KIF13B: variants seen among roughly 807,000 people sequenced by gnomAD.
KIF13B encodes the protein kinesin-like protein KIF13B.
In KIF13B, 127 loss-of-function variants were observed where a neutral mutation model predicts 222.0. The ratio of observed to expected loss-of-function variants is 0.57; its 90% confidence interval spans 0.50 to 0.66. KIF13B has a LOEUF of 0.66. Ranked by LOEUF, KIF13B falls within the 30% of genes least tolerant of loss-of-function variation. The probability of loss-of-function intolerance (pLI) is 0.00; values close to 1 mark genes in which losing one functional copy is unlikely to be tolerated. For missense variants in KIF13B, 2,173 were observed against 2,379.0 expected, an observed-to-expected ratio of 0.91 and a Z score of 1.80; for synonymous variants, 976 against 919.0, an observed-to-expected ratio of 1.06 and a Z score of -1.12.
intron 16 of KIF13B, 21 bp from the exon 17 acceptor site, chr8:29,147,623 G>T: frequency 1.3e-6 from 2 of 1,550,010 alleles, no homozygotes; most frequent in Non-Finnish European, 1.8e-6. Context: ...TTTTAAAAAA[G>T]ATACATGATC....
chr8:29,167,641 A>G, intron 10 of KIF13B, 56 bp from the exon 11 acceptor site: 1 of 1,396,622 alleles, frequency 7.2e-7, no homozygotes, highest in East Asian at 2.3e-5. Context: ...AAGACGTCAT[A>G]TGAGAAACCT....
intron 10 of KIF13B, among the ~76,000 whole-genome samples, chr8:29,171,145 T>G (rs1418441260): frequency 1.3e-5 from 2 of 152,210 alleles, no homozygotes; most frequent in Admixed American, 1.3e-4. Context: ...ATTAGAAAGA[T>G]ACTCATTATC....
intron 18 of KIF13B, among the ~76,000 whole-genome samples, chr8:29,144,347 G>A (rs570897404): frequency 2.6e-4 from 40 of 152,008 alleles, no homozygotes; most frequent in African/African-American, 5.5e-4. Context: ...TGCAACCTCC[G>A]CCTGGGTTCA....
At chr8:29,138,549 T>G (rs1212546518) in intron 21 of KIF13B, 1 of 152,182 alleles carries the variant, frequency 6.6e-6, no homozygotes, top group Non-Finnish European at 1.5e-5. Context: ...TGGCTGATCA[T>G]CCCTCAAAGA....
Position 29,130,585 on chromosome 8 carries a change from T to G in KIF13B, c.3023A>C (p.Glu1008Ala), listed in dbSNP as rs1015645347. Residue 1008 changes from glutamate (E) to alanine (A), a missense_variant, in exon 24 of 40, where the codon GAA (glutamate) becomes GCA (alanine). Physicochemically the swap from Glu to Ala is moderately radical, Grantham distance 107 (BLOSUM62 -1). Around this residue, in one of 2 missense-constraint regions of KIF13B, gnomAD observed 1,480 missense variants for 1,722.8 expected, o/e 0.86. Transcript: ENST00000524189. ...QNENGEYCPV[E>A]VISAKDVPTG... ...TGGGACATCCTTTGCAGAAATCACT[T>G]CTACAGGGCAGTATTCACCATTCTC... The G allele has an allele frequency of 3.7e-6, 6 of 1,613,666 alleles. No homozygotes were observed. In the African/African-American group the frequency reaches 6.7e-5, roughly 18 times the overall value.
rs1279400074 is a variant in KIF13B at position 29,140,161 on chromosome 8, G to A, written c.2515C>T (p.Arg839Ter). The change falls in exon 21 of 40, where the codon CGA (arginine) becomes TGA (stop). Residue 839 changes from arginine to a stop codon, truncating the protein, a stop_gained. Transcript: ENST00000524189. LOFTEE classifies it high-confidence loss of function. ...CTCTCCCCAACATCACCACTGAGTC[G>A]CATCACCTCCACGTGCAGCCGACCT... ...VAGRLHVEVM[R>*]LSGDVGERIA... 1.2e-6 allele frequency: 2 copies of A among 1,613,548 alleles called. No individual in the cohort carries two copies. The highest frequency in any genetic ancestry group is 1.7e-5 in the Admixed American group (1 of 60,004).
intron 2 of KIF13B, among the ~76,000 whole-genome samples, chr8:29,203,787 A>G: frequency 6.7e-6 from 1 of 150,126 alleles, no homozygotes; most frequent in East Asian, 2.0e-4. Context: ...CCAGCTACTC[A>G]GGAGGCTAAG....
At chr8:29,101,913 C>A (rs1036973211) in intron 35 of KIF13B, among the ~76,000 whole-genome samples, 7 of 115,578 alleles carry the variant, frequency 6.1e-5, no homozygotes, top group Non-Finnish European at 1.3e-4. Context: ...ATTACTCACT[C>A]GATTTTTCTC....
At chr8:29,124,152 A>G (rs750116534) in intron 26 of KIF13B, 29 bp from the exon 27 acceptor site, 3 of 1,302,310 alleles carry the variant, frequency 2.3e-6, no homozygotes, top group Non-Finnish European at 3.3e-6. Flanking sequence ...AATCATATTC[A>G]ATGTAATGTC....
chr8:29,075,259 A>C (rs1354466946), intron 38 of KIF13B, 22 bp downstream of exon 38: 3 of 1,551,218 alleles, frequency 1.9e-6, no homozygotes, highest in Non-Finnish European at 2.6e-6. Flanking sequence ...TGGGGTGGCC[A>C]CCCGTGACCC....
chr8:29,231,881 T>G (rs1815301452), intron 2 of KIF13B, among the ~76,000 whole-genome samples: 1 of 152,238 alleles, frequency 6.6e-6, no homozygotes, highest in Non-Finnish European at 1.5e-5. Context: ...TCCAAATTTT[T>G]TTTTAAGAAT....
chr8:29,146,150 G>A, intron 18 of KIF13B: 1 of 603,534 alleles, frequency 1.7e-6, no homozygotes. Flanking sequence ...GAAATGAACT[G>A]TCAGGGCCAG....
rs186685331 is a variant in KIF13B, at chr8:29,082,933, G to A, written c.4459-7590C>T. Among the ~76,000 whole-genome samples, 160 of 152,252 alleles carry A rather than the reference G, an allele frequency of 1.1e-3. No homozygotes were observed. In the East Asian group the frequency reaches 0.026, roughly 25 times the overall value. On this transcript the variant is annotated intron_variant, in intron 37 of 39. Coordinates refer to ENST00000524189, the MANE Select transcript of KIF13B (RefSeq NM_015254.4). Reference sequence around the variant, plus strand: ...TGAGCACAGCAATTCAAGACCAGCCGGTGTGACATAGGGAGACCCCGTCTC... The same window carrying A: ...TGAGCACAGCAATTCAAGACCAGCCAGTGTGACATAGGGAGACCCCGTCTC...
chr8:29,090,759 G>C (rs554671146), intron 37 of KIF13B, among the ~76,000 whole-genome samples: 1 of 152,190 alleles, frequency 6.6e-6, no homozygotes, highest in African/African-American at 2.4e-5. Context: ...ACCCAGGCTG[G>C]AATGCAGTGG....
At position 29,259,722 on chromosome 8, in the gene KIF13B, A is replaced by C. The variant is rs145429534; in HGVS notation, c.55+3258T>G. Among the ~76,000 whole-genome samples the C allele has an allele frequency of 2.9e-3, 442 of 152,380 alleles. 1 individual carries two copies. The highest frequency in any genetic ancestry group is 0.01 in the African/African-American group (427 of 41,590). ...CCTGTAATGATTAGACGGGTTAATA[A>C]TGTATGAATGGGTGTTCTGTGCGGC... On this transcript the variant is annotated intron_variant, in intron 1 of 39. Transcript: ENST00000524189.
At chr8:29,133,582 C>T (rs907312132) in intron 22 of KIF13B, among the ~76,000 whole-genome samples, 3 of 152,154 alleles carry the variant, frequency 2.0e-5, no homozygotes, top group Non-Finnish European at 2.9e-5. Flanking sequence ...CTGAGCGAGA[C>T]TCTGTCTCAA....
chr8:29,197,629 A>T (rs1220521511), intron 2 of KIF13B, among the ~76,000 whole-genome samples: 13 of 152,184 alleles, frequency 8.5e-5, no homozygotes, highest in African/African-American at 2.9e-4. Flanking sequence ...AACACAGAAA[A>T]CAGTCATGGG....
rs1554622286 is a variant in KIF13B, at chr8:29,228,472, A to ATATATATATATAT, written c.149+16873_149+16874insATATATATATATA. ...ACAGAGCCAGACTCCATCTTAAAAA[A>ATATATATATATAT]ATATATATATATATATATGAGATAC... On this transcript the variant is annotated intron_variant, in intron 2 of 39. Coordinates refer to ENST00000524189, the MANE Select transcript of KIF13B (RefSeq NM_015254.4). Among the ~76,000 whole-genome samples, 46 of 117,082 alleles carry ATATATATATATAT rather than the reference A, an allele frequency of 3.9e-4. 1 individual carries two copies. Among genetic ancestry groups the ATATATATATATAT allele is most frequent in the African/African-American group, 1.2e-3 (38 of 30,726 alleles). The allele number at this position is 117,082 out of a possible 152,430, so 76.8% of individuals were successfully genotyped here.
intron 2 of KIF13B, among the ~76,000 whole-genome samples, chr8:29,231,775 A>G (rs1815295875): frequency 6.6e-6 from 1 of 152,100 alleles, no homozygotes; most frequent in African/African-American, 2.4e-5. Context: ...AAAAAAAAGG[A>G]AAAAGGCTTG....
Sources: gnomAD v4.1 joint callset for allele counts (sites outside exome capture counted in the v4.1 genomes callset) on GRCh38, gnomAD v4.1.1 for gene constraint, gnomAD v4.1.1 regional missense constraint, MANE v1.5 for transcripts, NCBI Gene and HGNC (gene_info 2026-07-23, HGNC 2026-07-21) for gene names.